CEP112: variants seen among roughly 807,000 people sequenced by gnomAD.
CEP112 encodes centrosomal protein of 112 kDa.
CEP112 carries 127 observed loss-of-function variants against 153.0 expected under a neutral mutation model. The ratio of observed to expected loss-of-function variants is 0.83; its 90% CI spans 0.72 to 0.96. The LOEUF (loss-of-function observed/expected upper bound fraction) is 0.96. Among genes scored for constraint, CEP112 ranks in the 40% least tolerant of loss-of-function variants. The pLI, the probability that CEP112 is intolerant of heterozygous loss-of-function variation, is 0.00. For synonymous variants in CEP112, 358 were observed against 374.4 expected (o/e 0.96, Z 0.51); for missense variants, 1,089 against 1,101.2 (o/e 0.99, Z 0.16).
intron 11 of CEP112, among the ~76,000 whole-genome samples, chr17:66,055,836 A>T (rs2066660208): frequency 6.6e-6 from 1 of 152,202 alleles, no homozygotes; most frequent in Non-Finnish European, 1.5e-5. Context: ...GATGTGTTTG[A>T]GGACTAGATA....
intron 19 of CEP112, among the ~76,000 whole-genome samples, chr17:65,909,823 G>A (rs2060218857): frequency 6.6e-6 from 1 of 152,190 alleles, no homozygotes; most frequent in African/African-American, 2.4e-5. Context: ...ATACTCTTTT[G>A]TCCCTATACC....
At chr17:66,103,999 C>A (rs2068674782) in intron 6 of CEP112, among the ~76,000 whole-genome samples, 2 of 152,166 alleles carry the variant, frequency 1.3e-5, no homozygotes, top group Non-Finnish European at 2.9e-5. Flanking sequence ...GCGAACTCCA[C>A]CACCACCATG....
intron 24 of CEP112, among the ~76,000 whole-genome samples, chr17:65,657,302 A>G (rs990748363): frequency 6.6e-6 from 1 of 152,018 alleles, no homozygotes; most frequent in Non-Finnish European, 1.5e-5. Flanking sequence ...CATTCCTAAT[A>G]TTTTTTCTTT....
chr17:66,124,940 C>T (rs1326788838), intron 6 of CEP112, among the ~76,000 whole-genome samples: 3 of 152,076 alleles, frequency 2.0e-5, no homozygotes, highest in Non-Finnish European at 4.4e-5. Context: ...TAAATGTCAA[C>T]TTCTCAAATA....
At chr17:65,638,400 T>C (rs919375014) in intron 25 of CEP112, among the ~76,000 whole-genome samples, 3 of 152,248 alleles carry the variant, frequency 2.0e-5, no homozygotes, top group African/African-American at 2.4e-5. Flanking sequence ...GTCTTTGGTC[T>C]GAACTGAAAC....
chr17:65,961,644 A>AG (rs1269973970), intron 17 of CEP112, 46 bp from the exon 18 acceptor site: 7 of 1,520,842 alleles, frequency 4.6e-6, no homozygotes, highest in Non-Finnish European at 5.3e-6. Flanking sequence ...TAAAAGAGCT[A>AG]GGCCTGAATG....
In CEP112 at chr17:66,066,754, A is replaced by T. The variant is rs559741733; in HGVS notation, c.955+24T>A. 124 of 1,370,930 alleles carry T rather than the reference A, an allele frequency of 9.0e-5. 3 individuals carry two copies. In the South Asian group the frequency reaches 1.8e-3, roughly 20 times the overall value. The allele number at this position is 1,370,930 out of a possible 1,614,324, so 84.9% of individuals were successfully genotyped here. On this transcript the variant is annotated intron_variant, in intron 10 of 26. Transcript: ENST00000535342. ...AATAAAATGGAAATGTTATTAAAAG[A>T]TGTATGTAACAACACAACATCACCT...
intron 21 of CEP112, among the ~76,000 whole-genome samples, chr17:65,842,972 A>C (rs1185034354): frequency 3.9e-5 from 6 of 152,018 alleles, no homozygotes; most frequent in South Asian, 2.1e-4. Context: ...AGCATCACAC[A>C]CTATACCCAT....
intron 21 of CEP112, among the ~76,000 whole-genome samples, chr17:65,825,439 C>T (rs1167504386): frequency 6.6e-6 from 1 of 152,062 alleles, no homozygotes; most frequent in East Asian, 1.9e-4. Flanking sequence ...CCTAACAGGC[C>T]ACAGACAGGT....
intron 20 of CEP112, among the ~76,000 whole-genome samples, chr17:65,891,357 G>A (rs960400978): frequency 6.6e-5 from 10 of 152,034 alleles, no homozygotes; most frequent in Admixed American, 1.3e-4. Flanking sequence ...TATCCAACTC[G>A]CTGTCTGACA....
chr17:65,639,684 C>CAA lies in CEP112; in HGVS notation c.2799+1278_2799+1279dup, dbSNP rs11309560. ...TGGGTGACAAAGTGAAACTCTGTCT[C>CAA]AAAAAAAAAAAAAAAAAATCAAAGT... On this transcript the variant is annotated intron_variant, in intron 25 of 26. Coordinates refer to ENST00000535342, the MANE Select transcript of CEP112 (RefSeq NM_001199165.4). Among the ~76,000 whole-genome samples the CAA allele has an allele frequency of 2.2e-3, 249 of 115,110 alleles. 3 individuals are homozygous for CAA. The highest frequency in any genetic ancestry group is 6.4e-3 in the African/African-American group (196 of 30,410). 75.5% of individuals were successfully genotyped at this position (115,110 alleles called of 152,430 possible).
chr17:65,934,346 A>T (rs888591595), intron 18 of CEP112, among the ~76,000 whole-genome samples: 1 of 152,220 alleles, frequency 6.6e-6, no homozygotes, highest in African/African-American at 2.4e-5. Context: ...TGTTTTATGT[A>T]AGTTGCATGG....
rs370524902 is a variant in CEP112 at position 66,173,262 on chromosome 17, G to C, written c.470+1782C>G. The stretch of plus-strand genomic sequence containing the variant: ...GAAATCATGAAGGCATATGCTAAGG[G>C]GGGTAACCAAGCACTACTTAGCTCC... On this transcript the variant is annotated intron_variant, in intron 4 of 26. Transcript: ENST00000535342. Among the ~76,000 whole-genome samples, 18 of 152,284 alleles carry C rather than the reference G, an allele frequency of 1.2e-4. No individual in the cohort carries two copies. In the East Asian group the frequency reaches 2.3e-3, roughly 20 times the overall value.
chr17:66,127,071 CTT>C (rs1212635196), intron 6 of CEP112, among the ~76,000 whole-genome samples: 2 of 152,172 alleles, frequency 1.3e-5, no homozygotes, highest in Admixed American at 6.5e-5. Flanking sequence ...AAATGCAAGA[CTT>C]ATATTTTACA....
At chr17:66,012,462 G>A (rs1285019486) in intron 16 of CEP112, among the ~76,000 whole-genome samples, 1 of 152,250 alleles carries the variant, frequency 6.6e-6, no homozygotes. Flanking sequence ...GTCTGAAAAG[G>A]ATCTTATTTC....
At chr17:65,667,855 T>G (rs2143982612) in intron 24 of CEP112, among the ~76,000 whole-genome samples, 1 of 151,274 alleles carries the variant, frequency 6.6e-6, no homozygotes, top group Non-Finnish European at 1.5e-5. Flanking sequence ...CAGCAGCCAC[T>G]GTGCTCAGAG....
chr17:65,906,272 G>A (rs1207663995), intron 19 of CEP112, among the ~76,000 whole-genome samples: 1 of 146,906 alleles, frequency 6.8e-6, no homozygotes, highest in African/African-American at 2.5e-5. Context: ...TGTCGGGGGG[G>A]TAGGGGACTA....
At chr17:65,990,900 GACTGGGGA>G (rs1406951809) in intron 17 of CEP112, among the ~76,000 whole-genome samples, 19 of 152,204 alleles carry the variant, frequency 1.2e-4, no homozygotes, top group South Asian at 4.1e-4. Flanking sequence ...GGAGAGCAGC[GACTGGGGA>G]ACTTCACATT....
At chr17:65,958,741 G>A (rs1266891430) in intron 18 of CEP112, among the ~76,000 whole-genome samples, 1 of 152,122 alleles carries the variant, frequency 6.6e-6, no homozygotes, top group Non-Finnish European at 1.5e-5. Context: ...ACAGACTCCT[G>A]CTCATAAGGG....
Sources: gnomAD v4.1 joint callset for allele counts (sites outside exome capture counted in the v4.1 genomes callset) on GRCh38, gnomAD v4.1.1 for gene constraint, MANE v1.5 for transcripts, NCBI Gene and HGNC (gene_info 2026-07-23, HGNC 2026-07-21) for gene names.